Variants in CCDC68 observed in about 807,000 individuals in gnomAD.
CCDC68 encodes the protein coiled-coil domain containing 68.
Under a neutral mutation model 47.1 loss-of-function variants are expected in CCDC68, and 45 were observed. The ratio of observed to expected loss-of-function variants is 0.96; its 90% CI spans 0.75 to 1.23. CCDC68 has a LOEUF of 1.23. CCDC68 is among the 50% of genes most tolerant of loss of function. The pLI is 0.00. For missense variants in CCDC68, 353 were observed against 373.6 expected (o/e 0.94, Z 0.45); for synonymous variants, 131 against 129.5 (o/e 1.01, Z -0.08).
At chr18:54,927,414 C>T (rs1008635381) in intron 8 of CCDC68, among the ~76,000 whole-genome samples, 1 of 151,574 alleles carries the variant, frequency 6.6e-6, no homozygotes, top group Non-Finnish European at 1.5e-5. Context: ...GGCTCAAAGA[C>T]AGACAATAGC....
intron 2 of CCDC68, 66 bp downstream of exon 2, chr18:54,945,322 A>G (rs2044507341): frequency 6.6e-6 from 1 of 152,204 alleles, no homozygotes; most frequent in East Asian, 1.9e-4. Flanking sequence ...CCTGTGAGGT[A>G]GGATTATTAA....
In CCDC68 at chr18:54,902,548, A is replaced by C. The variant is rs1167685573; in HGVS notation, c.*1810T>G. On this transcript the variant is annotated 3_prime_UTR_variant, in exon 12 of 12. Transcript: ENST00000591504. ...AAGTCATAAATAATAAATGTATGAT[A>C]AACAGATTTTTAGCAGGGAAGTTTG... 1 of 152,262 alleles carries C rather than the reference A, an allele frequency of 6.6e-6. No homozygotes were observed. Among genetic ancestry groups the C allele is most frequent in the Non-Finnish European group, 1.5e-5 (1 of 68,042 alleles). The allele number at this position is 152,262 out of a possible 1,614,324, so 9.4% of individuals were successfully genotyped here. A position where few individuals can be genotyped will look rare whatever the true frequency, so the allele number is the denominator to read the frequency against.
intron 7 of CCDC68, among the ~76,000 whole-genome samples, chr18:54,931,772 C>A (rs1174002763): frequency 6.6e-6 from 1 of 152,130 alleles, no homozygotes; most frequent in East Asian, 1.9e-4. Flanking sequence ...TTATGGAATT[C>A]ATTCTCACTG....
At chr18:54,922,987 CAAAAAAAAAAAAA>C (rs1183607769) in intron 8 of CCDC68, among the ~76,000 whole-genome samples, 2 of 40,028 alleles carry the variant, frequency 5.0e-5, no homozygotes, top group African/African-American at 8.2e-5. Flanking sequence ...GACTCCGTCT[CAAAAAAAAAAAAA>C]AAAAAAAAAA....
At chr18:54,955,319 C>T (rs753019201) in intron 1 of CCDC68, among the ~76,000 whole-genome samples, 41 of 152,148 alleles carry the variant, frequency 2.7e-4, no homozygotes, top group African/African-American at 9.6e-4. Context: ...AATACAACCC[C>T]GTCTTGAAAA....
intron 10 of CCDC68, among the ~76,000 whole-genome samples, chr18:54,910,008 T>C (rs9963577): frequency 0.83 from 126,063 of 152,226 alleles, 52,365 homozygotes; most frequent in East Asian, 1. Context: ...AGTTCTTGTC[T>C]GGCAACCAGG....
Position 54,928,896 on chromosome 18 carries a change from A to C in CCDC68, c.601-14T>G. 1.3e-6 allele frequency: 2 copies of C among 1,550,518 alleles called. No individual in the cohort carries two copies. The highest frequency in any genetic ancestry group is 1.8e-6 in the Non-Finnish European group (2 of 1,123,004). On this transcript the variant is annotated splice_polypyrimidine_tract_variant and intron_variant, in intron 7 of 11. Transcript: ENST00000591504. Reference sequence around the variant, plus strand: ...TGTTCTCTTTTCCTAGGAGAAAATAAGATACAAATTTTGCTAAACTGCATG... The same window carrying C: ...TGTTCTCTTTTCCTAGGAGAAAATACGATACAAATTTTGCTAAACTGCATG...
chr18:54,928,321 G>A lies in CCDC68; in HGVS notation c.683+479C>T, dbSNP rs113407790. 8.3e-4 allele frequency among the ~76,000 whole-genome samples: 127 copies of A among 152,254 alleles called. 3 individuals carry two copies. The highest frequency in any genetic ancestry group is 2.8e-3 in the African/African-American group (115 of 41,532). On this transcript the variant is annotated intron_variant, in intron 8 of 11. Coordinates refer to ENST00000591504, the MANE Select transcript of CCDC68 (RefSeq NM_025214.3). ...TTATAAGTAAGTCCAAAGGACTAAG[G>A]ATATTGTCCATAGCATTTCCTTCAC...
rs1201659292 is a variant in CCDC68, at chr18:54,959,431, T to C, written c.-198A>G. On this transcript the variant is annotated 5_prime_UTR_variant, in exon 1 of 12. Coordinates refer to ENST00000591504, the MANE Select transcript of CCDC68 (RefSeq NM_025214.3). ...GGGTCGGCTGCCAGGGCCCTGCGAG[T>C]GCAGCCGCCACCGCCCGCAGGCTTG... 3 of 151,856 alleles carry C rather than the reference T, an allele frequency of 2.0e-5. No individual in the cohort carries two copies. The highest frequency in any genetic ancestry group is 7.3e-5 in the African/African-American group (3 of 41,334). The allele number at this position is 151,856 out of a possible 1,614,324, so 9.4% of individuals were successfully genotyped here.
rs758518359 is a variant in CCDC68, at chr18:54,941,033, T to C, written c.168A>G (p.Ile56Met). The change falls in exon 4 of 12, where the codon ATA (isoleucine) becomes ATG (methionine). Residue 56 changes from isoleucine to methionine, a missense_variant. Transcript: ENST00000591504. ...KIRTQMFKDE[I>M]RHDSTNHKLD... Reference sequence around the variant, plus strand: ...GTTTGTGATTTGTACTGTCATGTCTTATTTCATCTTTAAACATCTGGGTCC... The same window carrying C: ...GTTTGTGATTTGTACTGTCATGTCTCATTTCATCTTTAAACATCTGGGTCC... The C allele has an allele frequency of 1.2e-6, 2 of 1,612,614 alleles. No homozygotes were observed. The highest frequency in any genetic ancestry group is 2.2e-5 in the South Asian group (2 of 91,016).
At chr18:54,955,014 A>C (rs2044687967) in intron 1 of CCDC68, among the ~76,000 whole-genome samples, 2 of 152,188 alleles carry the variant, frequency 1.3e-5, no homozygotes, top group African/African-American at 4.8e-5. Context: ...TTGCATTCTA[A>C]ATTGCCAATA....
At chr18:54,946,646 A>G (rs75860850) in intron 1 of CCDC68, among the ~76,000 whole-genome samples, 7,787 of 152,208 alleles carry the variant, frequency 0.051, 229 homozygotes, top group Middle Eastern at 0.11. Flanking sequence ...ATCCTAAAAT[A>G]TACTCTCTTA....
At chr18:54,940,063 T>C (rs759414221) in intron 4 of CCDC68, among the ~76,000 whole-genome samples, 4 of 152,134 alleles carry the variant, frequency 2.6e-5, no homozygotes, top group African/African-American at 4.8e-5. Context: ...TATCTAAACA[T>C]TGGGAACGGT....
At chr18:54,934,250 C>T (rs8088092) in intron 7 of CCDC68, among the ~76,000 whole-genome samples, 21,149 of 152,172 alleles carry the variant, frequency 0.14, 1,547 homozygotes, top group Non-Finnish European at 0.16. Flanking sequence ...CTTAAATGAA[C>T]ATGGCATGAA....
intron 7 of CCDC68, among the ~76,000 whole-genome samples, chr18:54,931,622 T>A (rs2044263293): frequency 1.3e-5 from 2 of 152,212 alleles, no homozygotes; most frequent in Admixed American, 6.5e-5. Context: ...AAAGTGCCTT[T>A]GAGCTCTAAA....
intron 1 of CCDC68, among the ~76,000 whole-genome samples, chr18:54,956,329 C>T (rs1944360): frequency 0.28 from 42,441 of 152,062 alleles, 6,492 homozygotes; most frequent in African/African-American, 0.41. Context: ...GAGAGTTACA[C>T]ACAGAAAACA....
At chr18:54,905,040 A>T (rs1913908393) in intron 11 of CCDC68, among the ~76,000 whole-genome samples, 1 of 151,904 alleles carries the variant, frequency 6.6e-6, no homozygotes, top group Non-Finnish European at 1.5e-5. Flanking sequence ...TGGGATGATC[A>T]CTTGAGCCCA....
At chr18:54,954,093 TC>T (rs2044672057) in intron 1 of CCDC68, among the ~76,000 whole-genome samples, 3 of 149,280 alleles carry the variant, frequency 2.0e-5, no homozygotes. Flanking sequence ...TCTCACTCTG[TC>T]ACCCAGGGTG....
intron 7 of CCDC68, among the ~76,000 whole-genome samples, chr18:54,933,150 C>T (rs1269741980): frequency 6.6e-6 from 1 of 152,110 alleles, no homozygotes; most frequent in Non-Finnish European, 1.5e-5. Context: ...GGTGCAATCT[C>T]GGTTCACTGC....
Sources: gnomAD v4.1 joint callset for allele counts (sites outside exome capture counted in the v4.1 genomes callset) on GRCh38, gnomAD v4.1.1 for gene constraint, MANE v1.5 for transcripts, NCBI Gene and HGNC (gene_info 2026-07-23, HGNC 2026-07-21) for gene names.